The following EYA2 variants were observed in gnomAD, a reference collection of about 807,000 sequenced individuals.
EYA2 encodes protein phosphatase EYA2.
In EYA2, 31 loss-of-function variants were observed where a neutral mutation model predicts 69.2. The observed-to-expected ratio is 0.45, with a 90% CI of 0.34 to 0.60. The LOEUF is 0.60. Among genes scored for constraint, EYA2 ranks in the 20% least tolerant of loss-of-function variants. The pLI is 0.02. For synonymous variants in EYA2, 257 were observed against 279.4 expected, an observed-to-expected ratio of 0.92 and a Z score of 0.80; for missense variants, 622 against 701.2, an observed-to-expected ratio of 0.89 and a Z score of 1.28.
chr20:47,044,565 G>C (rs2029934638), intron 5 of EYA2, among the ~76,000 whole-genome samples: 6 of 152,212 alleles, frequency 3.9e-5, no homozygotes, highest in Admixed American at 3.3e-4. Flanking sequence ...CAGGTGGTCA[G>C]GCTGGGTCTC....
intron 1 of EYA2, chr20:46,978,567 C>G (rs1224103360): frequency 1.9e-6 from 1 of 534,648 alleles, no homozygotes; most frequent in Non-Finnish European, 3.8e-6. Context: ...CAGATCAAGG[C>G]TGTGTTCGGA....
intron 4 of EYA2, among the ~76,000 whole-genome samples, chr20:47,007,743 G>A (rs1982804668): frequency 6.6e-6 from 1 of 151,992 alleles, no homozygotes; most frequent in African/African-American, 2.4e-5. Context: ...ACCCTCATGA[G>A]TAGCTGGGAC....
At chr20:47,090,877 C>T (rs2032063171) in intron 8 of EYA2, among the ~76,000 whole-genome samples, 1 of 151,976 alleles carries the variant, frequency 6.6e-6, no homozygotes, top group South Asian at 2.1e-4. Context: ...AAAATGGATG[C>T]CCCAAAACCG....
intron 7 of EYA2, among the ~76,000 whole-genome samples, chr20:47,088,532 A>C (rs2031969502): frequency 6.6e-6 from 1 of 152,096 alleles, no homozygotes; most frequent in African/African-American, 2.4e-5. Context: ...GACTAGCCCC[A>C]TATAAATGAG....
chr20:47,113,965 G>A (rs915407928), intron 9 of EYA2, among the ~76,000 whole-genome samples: 24 of 152,054 alleles, frequency 1.6e-4, no homozygotes, highest in African/African-American at 5.8e-4. Flanking sequence ...GCAGTGGCTG[G>A]GATCACCACA....
chr20:46,962,352 A>G (rs11698310), intron 1 of EYA2, among the ~76,000 whole-genome samples: 32,432 of 152,222 alleles, frequency 0.21, 4,349 homozygotes, highest in South Asian at 0.33. Flanking sequence ...TGTCCCCAAC[A>G]TAAAGAAATG....
At chr20:47,015,354 C>A (rs1983346021) in intron 4 of EYA2, among the ~76,000 whole-genome samples, 1 of 152,186 alleles carries the variant, frequency 6.6e-6, no homozygotes, top group Non-Finnish European at 1.5e-5. Flanking sequence ...AGTACCTATG[C>A]TTTAGGTAAG....
chr20:46,973,001 C>A (rs1369530683), intron 1 of EYA2, among the ~76,000 whole-genome samples: 3 of 152,076 alleles, frequency 2.0e-5, no homozygotes, highest in Non-Finnish European at 4.4e-5. Context: ...GTGGATGAAA[C>A]CATCAGATCG....
chr20:47,133,879 C>T (rs2033398973), intron 9 of EYA2, among the ~76,000 whole-genome samples: 1 of 152,208 alleles, frequency 6.6e-6, no homozygotes, highest in African/African-American at 2.4e-5. Flanking sequence ...CTGACCTCAG[C>T]CACTCAGACA....
chr20:47,016,393 C>T, intron 5 of EYA2, 96 bp downstream of exon 5: 1 of 892,508 alleles, frequency 1.1e-6, no homozygotes, highest in Non-Finnish European at 1.9e-6. Context: ...TTTTGAGCAC[C>T]TACTATGTGC....
chr20:46,996,813 G>T (rs1423298814), intron 2 of EYA2, among the ~76,000 whole-genome samples: 1 of 152,122 alleles, frequency 6.6e-6, no homozygotes, highest in Non-Finnish European at 1.5e-5. Context: ...CAGTCATGGT[G>T]GAAGGCGAAG....
intron 5 of EYA2, among the ~76,000 whole-genome samples, chr20:47,044,826 A>T (rs2029949297): frequency 6.6e-6 from 1 of 152,234 alleles, no homozygotes; most frequent in Non-Finnish European, 1.5e-5. Context: ...GGAGAACAGC[A>T]GAACCTAGTT....
intron 5 of EYA2, among the ~76,000 whole-genome samples, chr20:47,069,985 A>G: frequency 6.6e-6 from 1 of 152,324 alleles, no homozygotes; most frequent in East Asian, 1.9e-4. Context: ...AGAAAACACA[A>G]GAGCAGTTCT....
chr20:46,901,177 G>T (rs56307857), intron 1 of EYA2: 1 of 152,116 alleles, frequency 6.6e-6, no homozygotes, highest in Non-Finnish European at 1.5e-5. Flanking sequence ...TCCCTCTCAC[G>T]GTTCCGGAGA....
chr20:47,063,386 C>CGTGTGTGT (rs1228558146), intron 5 of EYA2, among the ~76,000 whole-genome samples: 2 of 93,566 alleles, frequency 2.1e-5, no homozygotes, highest in African/African-American at 1.1e-4. Context: ...TGTGTGTGTG[C>CGTGTGTGT]GTGTGCGTGT....
intron 8 of EYA2, among the ~76,000 whole-genome samples, chr20:47,093,840 G>A (rs78668553): frequency 0.12 from 18,738 of 152,198 alleles, 1,457 homozygotes; most frequent in Non-Finnish European, 0.17. Context: ...CGCCAAACTC[G>A]CTGAGTCACG....
At chr20:47,054,894 C>T (rs1443979463) in intron 5 of EYA2, among the ~76,000 whole-genome samples, 1 of 152,242 alleles carries the variant, frequency 6.6e-6, no homozygotes, top group Non-Finnish European at 1.5e-5. Context: ...TTGTAAACTG[C>T]AGCTATTACG....
At chr20:46,942,491 A>T (rs1003250646) in intron 1 of EYA2, among the ~76,000 whole-genome samples, 1 of 152,232 alleles carries the variant, frequency 6.6e-6, no homozygotes, top group African/African-American at 2.4e-5. Context: ...ATTTAGAGAC[A>T]TTTTTGTGTA....
At chr20:47,153,615 A>T (rs1170931525) in intron 10 of EYA2, among the ~76,000 whole-genome samples, 2 of 151,866 alleles carry the variant, frequency 1.3e-5, no homozygotes, top group Non-Finnish European at 2.9e-5. Context: ...CTGTGATCAC[A>T]CCATTGCACT....
Sources: allele counts gnomAD v4.1 joint callset (sites outside exome capture counted in the v4.1 genomes callset), GRCh38; gene constraint gnomAD v4.1.1; transcripts MANE v1.5; gene names NCBI Gene and HGNC (gene_info 2026-07-23, HGNC 2026-07-21).